The following TLL1 variants were observed in gnomAD, a reference collection of about 807,000 sequenced individuals.
TLL1 encodes tolloid like 1.
Under a neutral mutation model 128.2 loss-of-function variants are expected in TLL1, and 49 were observed. That is an observed-to-expected ratio of 0.38 (90% CI 0.30 to 0.48). The LOEUF is 0.48. Among genes scored for constraint, TLL1 ranks in the 20% least tolerant of loss-of-function variants. The probability of loss-of-function intolerance (pLI) is 0.96; values close to 1 mark genes in which losing one functional copy is unlikely to be tolerated. For synonymous variants in TLL1, 454 were observed against 418.8 expected, an observed-to-expected ratio of 1.08 and a Z score of -1.03; for missense variants, 1,123 against 1,242.0, an observed-to-expected ratio of 0.90 and a Z score of 1.44.
intron 18 of TLL1, among the ~76,000 whole-genome samples, chr4:166,087,021 A>C (rs546136849): frequency 6.6e-6 from 1 of 152,174 alleles, no homozygotes; most frequent in Non-Finnish European, 1.5e-5. Flanking sequence ...ACAAAGTTCT[A>C]AATGTGTAAG....
At chr4:166,085,295 C>G (rs996379482) in intron 18 of TLL1, among the ~76,000 whole-genome samples, 2 of 145,150 alleles carry the variant, frequency 1.4e-5, no homozygotes, top group Non-Finnish European at 1.5e-5. Context: ...ATTGTTCTGT[C>G]TAGGACCTCC....
intron 1 of TLL1, among the ~76,000 whole-genome samples, chr4:165,905,248 C>A (rs1388364482): frequency 1.3e-5 from 2 of 152,178 alleles, no homozygotes; most frequent in Admixed American, 6.5e-5. Context: ...CCCTACAAAC[C>A]TTTATTCACA....
Position 166,065,824 on chromosome 4 carries a change from A to G in TLL1, c.2149A>G (p.Thr717Ala), listed in dbSNP as rs1280108329. ...GAGAATTGAATTCAAATCTGACAAT[A>G]CTGTATCCAAGAAGGGCTTCAAAGC... Reference protein sequence around the residue: ...NMRIEFKSDNTVSKKGFKAHF... With the variant: ...NMRIEFKSDNAVSKKGFKAHF... Residue 717 changes from threonine to alanine, a missense_variant, in exon 16 of 21, where the codon ACT becomes GCT. Thr to Ala is a moderately conservative substitution (Grantham distance 58). Around this residue, in one of 3 missense-constraint regions of TLL1, gnomAD observed 634 missense variants for 672.4 expected, o/e 0.94. Coordinates refer to ENST00000061240, the MANE Select transcript of TLL1 (RefSeq NM_012464.5). 1.9e-6 allele frequency: 3 copies of G among 1,612,970 alleles called. No individual in the cohort carries two copies. The highest frequency in any genetic ancestry group is 2.5e-6 in the Non-Finnish European group (3 of 1,179,236).
At chr4:166,008,531 C>T (rs912320300) in intron 7 of TLL1, among the ~76,000 whole-genome samples, 34 of 151,580 alleles carry the variant, frequency 2.2e-4, no homozygotes, top group African/African-American at 7.2e-4. Context: ...ATTGATATTA[C>T]TAAATGAATT....
At chr4:165,893,513 G>A (rs190430891) in intron 1 of TLL1, among the ~76,000 whole-genome samples, 21 of 152,116 alleles carry the variant, frequency 1.4e-4, no homozygotes, top group Admixed American at 5.9e-4. Context: ...GTGTCAGAGT[G>A]GAGAAAGCTG....
chr4:165,991,625 A>AT (rs1035430186), intron 2 of TLL1, among the ~76,000 whole-genome samples: 4 of 151,800 alleles, frequency 2.6e-5, no homozygotes, highest in African/African-American at 9.7e-5. Context: ...GACTTATTTG[A>AT]TTTTTCCCTT....
At chr4:165,874,444 C>G (rs950076671) in intron 1 of TLL1, among the ~76,000 whole-genome samples, 3 of 152,140 alleles carry the variant, frequency 2.0e-5, no homozygotes, top group African/African-American at 7.2e-5. Context: ...GAAGGGACAC[C>G]GTCTTCTTTC....
intron 1 of TLL1, among the ~76,000 whole-genome samples, chr4:165,903,858 A>C (rs1732125110): frequency 1.3e-5 from 2 of 152,068 alleles, no homozygotes; most frequent in South Asian, 4.2e-4. Flanking sequence ...CATAGGTTTC[A>C]TGGGTGGATG....
intron 1 of TLL1, among the ~76,000 whole-genome samples, chr4:165,960,024 C>A (rs954908468): frequency 2.6e-5 from 4 of 151,964 alleles, no homozygotes; most frequent in Non-Finnish European, 5.9e-5. Context: ...ACCCAAAAAT[C>A]CATACAGAAG....
intron 8 of TLL1, among the ~76,000 whole-genome samples, chr4:166,024,798 A>AT (rs1738418823): frequency 1.3e-5 from 2 of 151,582 alleles, no homozygotes; most frequent in Non-Finnish European, 2.9e-5. Flanking sequence ...ATACATATAT[A>AT]TTTTTTCTTA....
chr4:165,966,779 A>G (rs1239317609), intron 1 of TLL1, among the ~76,000 whole-genome samples: 2 of 152,186 alleles, frequency 1.3e-5, no homozygotes, highest in South Asian at 2.1e-4. Flanking sequence ...GCAATAAAAT[A>G]TCACAAGGCA....
At chr4:165,911,174 T>C (rs1035037548) in intron 1 of TLL1, among the ~76,000 whole-genome samples, 3 of 152,156 alleles carry the variant, frequency 2.0e-5, no homozygotes, top group Admixed American at 6.5e-5. Flanking sequence ...TTAACCAATC[T>C]CTATTCATCC....
chr4:166,007,610 G>A (rs961560216), intron 6 of TLL1, among the ~76,000 whole-genome samples: 2 of 151,660 alleles, frequency 1.3e-5, no homozygotes, highest in African/African-American at 4.8e-5. Flanking sequence ...ATAACTTTGT[G>A]TAATTATTTG....
intron 1 of TLL1, chr4:165,919,948 C>T: frequency 2.4e-6 from 1 of 411,608 alleles, no homozygotes; most frequent in Non-Finnish European, 4.8e-6. Flanking sequence ...ATGTAAGTGA[C>T]TTCCTAATTT....
chr4:165,877,063 C>A (rs1361873999), intron 1 of TLL1, among the ~76,000 whole-genome samples: 1 of 152,194 alleles, frequency 6.6e-6, no homozygotes, highest in Non-Finnish European at 1.5e-5. Flanking sequence ...TAAACAAGAT[C>A]AAACGTGTGT....
At chr4:166,070,555 ATC>A (rs1446886408) in intron 16 of TLL1, among the ~76,000 whole-genome samples, 1 of 151,898 alleles carries the variant, frequency 6.6e-6, no homozygotes, top group Non-Finnish European at 1.5e-5. Context: ...TTGGGGAAAA[ATC>A]TATTAGGAAT....
chr4:165,937,002 G>A (rs1475160587), intron 1 of TLL1, among the ~76,000 whole-genome samples: 1 of 152,112 alleles, frequency 6.6e-6, no homozygotes, highest in African/African-American at 2.4e-5. Flanking sequence ...TCTCTTTATT[G>A]TCCCTACTTT....
At chr4:165,987,036 T>C (rs946341945) in intron 1 of TLL1, among the ~76,000 whole-genome samples, 1 of 152,108 alleles carries the variant, frequency 6.6e-6, no homozygotes, top group Non-Finnish European at 1.5e-5. Context: ...TTGTTAAAAA[T>C]GTAGAATCTG....
chr4:166,031,998 G>T (rs1202331864), intron 9 of TLL1, among the ~76,000 whole-genome samples: 1 of 152,070 alleles, frequency 6.6e-6, no homozygotes, highest in African/African-American at 2.4e-5. Flanking sequence ...GTTGAGAAAG[G>T]ATTGAGTAAC....
Sources: gnomAD v4.1 joint callset for allele counts (sites outside exome capture counted in the v4.1 genomes callset) on GRCh38, gnomAD v4.1.1 for gene constraint, gnomAD v4.1.1 regional missense constraint, MANE v1.5 for transcripts, NCBI Gene and HGNC (gene_info 2026-07-23, HGNC 2026-07-21) for gene names.